Variants in ESRP2 observed in about 807,000 individuals in gnomAD.
ESRP2 encodes the protein epithelial splicing regulatory protein 2.
Under a neutral mutation model 78.6 loss-of-function variants are expected in ESRP2, and 48 were observed. That is an observed-to-expected ratio of 0.61 (90% CI 0.48 to 0.78). The LOEUF (loss-of-function observed/expected upper bound fraction) is 0.78. ESRP2 is among the 30% of genes least tolerant of loss of function. The pLI, the probability that ESRP2 is intolerant of heterozygous loss-of-function variation, is 0.00. For synonymous variants in ESRP2, 383 were observed against 406.7 expected, an observed-to-expected ratio of 0.94 and a Z score of 0.70; for missense variants, 863 against 965.9, an observed-to-expected ratio of 0.89 and a Z score of 1.41.
chr16:68,233,613 CATCCT>C lies in ESRP2; in HGVS notation c.556+150_556+154del, dbSNP rs1364704013. 10 of 730,866 alleles carry C rather than the reference CATCCT, an allele frequency of 1.4e-5. No homozygotes were observed. In the Admixed American group the frequency reaches 1.9e-4, roughly 14 times the overall value. 45.3% of individuals were successfully genotyped at this position (730,866 alleles called of 1,614,324 possible). A position where few individuals can be genotyped will look rare whatever the true frequency, so the allele number is the denominator to read the frequency against. On this transcript the variant is annotated intron_variant, in intron 4 of 14. Coordinates refer to ENST00000473183, the MANE Select transcript of ESRP2 (RefSeq NM_024939.3). ...CAGACACATACCCACATTCCAAACT[CATCCT>C]AGCACAGACACGAAGACACAGTACA... is the stretch of plus-strand genomic sequence containing the variant.
rs1332999932 is a variant in ESRP2 at position 68,231,652 on chromosome 16, T to C, written c.1342A>G (p.Thr448Ala). The C allele has an allele frequency of 6.2e-7, 1 of 1,613,494 alleles. No homozygotes were observed. The highest frequency in any genetic ancestry group is 8.5e-7 in the Non-Finnish European group (1 of 1,179,728). Reference sequence around the variant, plus strand: ...AAGGGGATGGGCAGCAGTGGGGCAGTCAGTGTAGGAAGGAGTGGGCCGGAT... The same window carrying C: ...AAGGGGATGGGCAGCAGTGGGGCAGCCAGTGTAGGAAGGAGTGGGCCGGAT... ...YASGPLLPTL[T>A]APLLPIPFPL... Residue 448 changes from threonine to alanine, a missense_variant, in exon 11 of 15, where the codon ACT becomes GCT. By Grantham distance (58) the Thr-to-Ala change is moderately conservative. Coordinates refer to ENST00000473183, the MANE Select transcript of ESRP2 (RefSeq NM_024939.3). The surrounding 1 kb of genome is among the most constrained non-coding windows in gnomAD (Gnocchi z 6.0).
At position 68,230,983 on chromosome 16, in the gene ESRP2, G is replaced by A. The variant is rs1292834329; in HGVS notation, c.1756C>T (p.Leu586Phe). ...TYTTFQATPT[L>F]IPTETAALYP... Reference sequence around the variant, plus strand: ...AGAGCTGCCGTCTCCGTGGGAATGAGCGTTGGGGTGGCTTGGAAGGTGGTG... The same window carrying A: ...AGAGCTGCCGTCTCCGTGGGAATGAACGTTGGGGTGGCTTGGAAGGTGGTG... The change falls in exon 13 of 15, where the codon CTC becomes TTC. Residue 586 changes from leucine (L) to phenylalanine (F), a missense_variant. Physicochemically the swap from Leu to Phe is conservative, Grantham distance 22. Coordinates refer to ENST00000473183, the MANE Select transcript of ESRP2 (RefSeq NM_024939.3). The A allele has an allele frequency of 1.9e-6, 3 of 1,603,580 alleles. No individual in the cohort carries two copies. The highest frequency in any genetic ancestry group is 2.7e-5 in the African/African-American group (2 of 74,686).
chr16:68,232,351 C>A lies in ESRP2; in HGVS notation c.954+20G>T. 6.2e-7 allele frequency: 1 copy of A among 1,614,114 alleles called. No individual in the cohort carries two copies. The highest frequency in any genetic ancestry group is 8.5e-7 in the Non-Finnish European group (1 of 1,179,968). On this transcript the variant is annotated intron_variant, in intron 8 of 14. Transcript: ENST00000473183. This position sits in a 1 kb window ranked among gnomAD's most constrained non-coding sequence, Gnocchi z 5.2. ...CCTGACTCAGATTGGCCCTGCTCCG[C>A]TCCCAGCCCAAAGCCCCACCTCAAT...
In ESRP2 at chr16:68,235,706, C is replaced by T. The variant is rs1222184258; in HGVS notation, c.255G>A (p.Gln85=). ...CGCTCAGGCCGCTCGCCTCGCGGCA[C>T]TGCGTACTCAGTGCGGCCGCCTCGG... ...VRAEAAALST[Q]CREASGLSAD... Residue 85 remains glutamine, a synonymous_variant, in exon 2 of 15, where the codon CAG becomes CAA. Coordinates refer to ENST00000473183, the MANE Select transcript of ESRP2 (RefSeq NM_024939.3). This position sits in a 1 kb window ranked among gnomAD's most constrained non-coding sequence, Gnocchi z 5.5. 3 of 1,603,384 alleles carry T rather than the reference C, an allele frequency of 1.9e-6. No homozygotes were observed. The highest frequency in any genetic ancestry group is 1.3e-5 in the African/African-American group (1 of 74,866).
Position 68,232,700 on chromosome 16 carries a change from G to A in ESRP2, c.711-13C>T, listed in dbSNP as rs557608066. 6.2e-7 allele frequency: 1 copy of A among 1,614,178 alleles called. No individual in the cohort carries two copies. Among genetic ancestry groups the A allele is most frequent in the South Asian group, 1.1e-5 (1 of 91,086 alleles). ...ATCAGCCTTGCTGCTGTAGGGGCAG[G>A]GCACAGTGCTGTCAGAGCTATTCAG... On this transcript the variant is annotated splice_polypyrimidine_tract_variant and intron_variant, in intron 6 of 14. Coordinates refer to ENST00000473183, the MANE Select transcript of ESRP2 (RefSeq NM_024939.3). This position sits in a 1 kb window ranked among gnomAD's most constrained non-coding sequence, Gnocchi z 5.2.
rs2042183107 is a variant in ESRP2 at position 68,233,848 on chromosome 16, T to C, written c.476A>G (p.Tyr159Cys). Residue 159 changes from tyrosine (Y) to cysteine (C), a missense_variant, in exon 4 of 15, where the codon TAT (tyrosine) becomes TGT (cysteine). By Grantham distance (194) the Tyr-to-Cys change is radical. Coordinates refer to ENST00000473183, the MANE Select transcript of ESRP2 (RefSeq NM_024939.3). ...CATATGGAATTCTCTTCGGAGGTCA[T>C]AGAAGGAGAAGAACATGTCGGGGAG... ...LVLPDMFFSF[Y>C]DLRREFHMQH... The C allele has an allele frequency of 1.2e-6, 2 of 1,614,040 alleles. No homozygotes were observed. Among genetic ancestry groups the C allele is most frequent in the African/African-American group, 2.7e-5 (2 of 74,998 alleles).
At chr16:68,234,502 G>GC (rs1251946370) in intron 2 of ESRP2, 1 of 168,890 alleles carries the variant, frequency 5.9e-6, no homozygotes, top group Admixed American at 6.2e-5. Context: ...GCCCAGGCCT[G>GC]CCTGAGGCCC....
Position 68,230,047 on chromosome 16 carries a change from TG to T in ESRP2, c.*178del. 1 of 631,544 alleles carries T rather than the reference TG, an allele frequency of 1.6e-6. No individual in the cohort carries two copies. 39.1% of individuals were successfully genotyped at this position (631,544 alleles called of 1,614,324 possible). On this transcript the variant is annotated 3_prime_UTR_variant, in exon 15 of 15. Transcript: ENST00000473183. Reference sequence around the variant, plus strand: ...GCATGCAGGGTCCAGCCATTGTCTTTGGGGGAAACAGGCAGAATAAGTGGAG... The same window carrying T: ...GCATGCAGGGTCCAGCCATTGTCTTTGGGGAAACAGGCAGAATAAGTGGAG...
intron 4 of ESRP2, 170 bp from the exon 5 acceptor site, chr16:68,233,595 A>G: frequency 1.4e-6 from 1 of 723,038 alleles, no homozygotes; most frequent in South Asian, 1.6e-5. Flanking sequence ...AGACAGACAC[A>G]TACCCACATT....
rs2042143627 is a variant in ESRP2, at chr16:68,231,770, A to G, written c.1299+32T>C. On this transcript the variant is annotated intron_variant, in intron 10 of 14. Coordinates refer to ENST00000473183, the MANE Select transcript of ESRP2 (RefSeq NM_024939.3). This position sits in a 1 kb window ranked among gnomAD's most constrained non-coding sequence, Gnocchi z 6.0. Reference sequence around the variant, plus strand: ...CAGAGGGCCGCCCTGGAGTAACAGTACATCTGGGGGTGGGGAGCCCTGGGC... The same window carrying G: ...CAGAGGGCCGCCCTGGAGTAACAGTGCATCTGGGGGTGGGGAGCCCTGGGC... 1.2e-6 allele frequency: 2 copies of G among 1,602,104 alleles called. No individual in the cohort carries two copies. The highest frequency in any genetic ancestry group is 1.7e-5 in the Admixed American group (1 of 59,598).
In ESRP2 at chr16:68,230,017, G is replaced by C; in HGVS notation, c.*209C>G. ...GCTGGTTAGCCCCATTCCACCCCCAGCCCTGCATGCAGGGTCCAGCCATTG... is the reference window on the plus strand; with the variant it reads ...GCTGGTTAGCCCCATTCCACCCCCACCCCTGCATGCAGGGTCCAGCCATTG... On this transcript the variant is annotated 3_prime_UTR_variant, in exon 15 of 15. Coordinates refer to ENST00000473183, the MANE Select transcript of ESRP2 (RefSeq NM_024939.3). 1 of 594,708 alleles carries C rather than the reference G, an allele frequency of 1.7e-6. No homozygotes were observed. The highest frequency in any genetic ancestry group is 3.0e-6 in the Non-Finnish European group (1 of 334,524). 36.8% of individuals were successfully genotyped at this position (594,708 alleles called of 1,614,324 possible).
rs745305625 is a variant in ESRP2 at position 68,232,432 on chromosome 16, C to A, written c.893G>T (p.Ser298Ile). 2 of 1,614,000 alleles carry A rather than the reference C, an allele frequency of 1.2e-6. No homozygotes were observed. Among genetic ancestry groups the A allele is most frequent in the Non-Finnish European group, 1.7e-6 (2 of 1,180,028 alleles). The change falls in exon 8 of 15, where the codon AGC (serine) becomes ATC (isoleucine). Residue 298 changes from serine to isoleucine, a missense_variant. Transcript: ENST00000473183. This position sits in a 1 kb window ranked among gnomAD's most constrained non-coding sequence, Gnocchi z 5.2. Reference protein sequence around the residue: ...NGEALIRFVDSEQRDLALQRH... With the variant: ...NGEALIRFVDIEQRDLALQRH... Reference sequence around the variant, plus strand: ...CTGCAGCGCTAGGTCCCGCTGCTCGCTGTCCACAAAGCGGATGAGGGCCTC... The same window carrying A: ...CTGCAGCGCTAGGTCCCGCTGCTCGATGTCCACAAAGCGGATGAGGGCCTC...
chr16:68,235,760 C>A lies in ESRP2; in HGVS notation c.201G>T (p.Val67=). The A allele has an allele frequency of 6.2e-7, 1 of 1,609,942 alleles. No homozygotes were observed. Among genetic ancestry groups the A allele is most frequent in the Non-Finnish European group, 8.5e-7 (1 of 1,178,902 alleles). Residue 67 remains valine, a splice_region_variant and synonymous_variant, in exon 2 of 15, where the codon GTG becomes GTT. Transcript: ENST00000473183. This position sits in a 1 kb window ranked among gnomAD's most constrained non-coding sequence, Gnocchi z 5.5. Reference sequence around the variant, plus strand: ...GAACCAGCGATTTGTGCAGCGTCCCCACCTGTGAGCGGCGGGGGAAACCGA... The same window carrying A: ...GAACCAGCGATTTGTGCAGCGTCCCAACCTGTGAGCGGCGGGGGAAACCGA... ...WQVVEPRSRQ[V]GTLHKSLVRA...
At position 68,231,774 on chromosome 16, in the gene ESRP2, C is replaced by G. The variant is rs1393933948; in HGVS notation, c.1299+28G>C. 9 of 1,603,248 alleles carry G rather than the reference C, an allele frequency of 5.6e-6. No individual in the cohort carries two copies. The highest frequency in any genetic ancestry group is 7.7e-6 in the Non-Finnish European group (9 of 1,172,290). The stretch of plus-strand genomic sequence containing the variant: ...GGGCCGCCCTGGAGTAACAGTACAT[C>G]TGGGGGTGGGGAGCCCTGGGCGCTC... On this transcript the variant is annotated intron_variant, in intron 10 of 14. Coordinates refer to ENST00000473183, the MANE Select transcript of ESRP2 (RefSeq NM_024939.3). This position sits in a 1 kb window ranked among gnomAD's most constrained non-coding sequence, Gnocchi z 6.0.
intron 4 of ESRP2, 149 bp from the exon 5 acceptor site, chr16:68,233,574 A>AT: frequency 2.7e-6 from 2 of 744,316 alleles, no homozygotes; most frequent in Non-Finnish European, 4.7e-6. Flanking sequence ...ACAGATTCCC[A>AT]GTCCAGACAT....
chr16:68,232,324 G>A lies in ESRP2; in HGVS notation c.955-36C>T. On this transcript the variant is annotated intron_variant, in intron 8 of 14. Transcript: ENST00000473183. This position sits in a 1 kb window ranked among gnomAD's most constrained non-coding sequence, Gnocchi z 5.2. ...AGAGAGCAGCAGCCCATGGGTCTCA[G>A]GCCTGACTCAGATTGGCCCTGCTCC... 2.5e-6 allele frequency: 4 copies of A among 1,614,190 alleles called. No homozygotes were observed. The highest frequency in any genetic ancestry group is 3.4e-6 in the Non-Finnish European group (4 of 1,180,024).
At position 68,232,350 on chromosome 16, in the gene ESRP2, G is replaced by C; in HGVS notation, c.954+21C>G. 2 of 1,613,952 alleles carry C rather than the reference G, an allele frequency of 1.2e-6. No homozygotes were observed. On this transcript the variant is annotated intron_variant, in intron 8 of 14. Transcript: ENST00000473183. This position sits in a 1 kb window ranked among gnomAD's most constrained non-coding sequence, Gnocchi z 5.2. ...GCCTGACTCAGATTGGCCCTGCTCC[G>C]CTCCCAGCCCAAAGCCCCACCTCAA...
rs2042224720 is a variant in ESRP2, at chr16:68,236,106, C to T, written c.-61G>A. The T allele has an allele frequency of 2.2e-6, 3 of 1,353,490 alleles. No homozygotes were observed. The East Asian group carries it at 9.2e-5, about 41-fold the overall frequency. 83.8% of individuals were successfully genotyped at this position (1,353,490 alleles called of 1,614,324 possible). On this transcript the variant is annotated 5_prime_UTR_variant, in exon 1 of 15. Transcript: ENST00000473183. The surrounding 1 kb of genome is among the most constrained non-coding windows in gnomAD (Gnocchi z 5.2). The stretch of plus-strand genomic sequence containing the variant: ...GGACCGACGAGGCGCACGCACGCAC[C>T]GACCGACCGCAGACGCGGATCAGCT...
In ESRP2 at chr16:68,233,798, T is replaced by G; in HGVS notation, c.526A>C (p.Arg176=). 6.2e-7 allele frequency: 1 copy of G among 1,614,068 alleles called. No individual in the cohort carries two copies. Among genetic ancestry groups the G allele is most frequent in the East Asian group, 2.2e-5 (1 of 44,884 alleles). ...GCCATGGTGGCCACAGTGAGGTCCCTGGCAGGGCAGGTGCTTGGATGCTGC... is the reference window on the plus strand; with the variant it reads ...GCCATGGTGGCCACAGTGAGGTCCCGGGCAGGGCAGGTGCTTGGATGCTGC... The part of the protein sequence containing the change: ...HMQHPSTCPA[R]DLTVATMAQG... Residue 176 remains arginine, a synonymous_variant, in exon 4 of 15, where the codon AGG becomes CGG. Coordinates refer to ENST00000473183, the MANE Select transcript of ESRP2 (RefSeq NM_024939.3).
Sources: gnomAD v4.1 joint callset for allele counts on GRCh38, gnomAD v4.1.1 for gene constraint, Gnocchi (gnomAD v3.1) non-coding constraint, MANE v1.5 for transcripts, NCBI Gene and HGNC (gene_info 2026-07-23, HGNC 2026-07-21) for gene names.